The following STRIP2 variants were observed in gnomAD, a reference collection of about 807,000 sequenced individuals.
The protein encoded by STRIP2 is striatin interacting protein 2.
A neutral mutation model predicts 107.1 loss-of-function variants in STRIP2; 84 were observed. The observed-to-expected ratio is 0.78, with a 90% CI of 0.66 to 0.94. STRIP2 has a LOEUF of 0.94. STRIP2 is among the 40% of genes least tolerant of loss of function. STRIP2 has a pLI of 0.00. For missense variants in STRIP2, 888 were observed against 1,034.2 expected (o/e 0.86, Z 1.94); for synonymous variants, 394 against 400.4 (o/e 0.98, Z 0.19).
chr7:129,434,652 G>T (rs1009810326), intron 1 of STRIP2, 51 bp downstream of exon 1: 2 of 1,430,706 alleles, frequency 1.4e-6, no homozygotes, highest in African/African-American at 3.0e-5. Context: ...CCGCCGGCGG[G>T]AAGCGGCGGC....
Position 129,458,244 on chromosome 7 carries a change from C to T in STRIP2, c.1068C>T (p.Asp356=). The change falls in exon 10 of 21, where the codon GAC becomes GAT. Residue 356 remains aspartate (D), a synonymous_variant. Coordinates refer to ENST00000249344, the MANE Select transcript of STRIP2 (RefSeq NM_020704.3). This position sits in a 1 kb window ranked among gnomAD's most constrained non-coding sequence, Gnocchi z 4.6. ...TCCTCACTAAGCAGGACAGCCTGGA[C>T]ATCTACAATGAAAGGGATCTCTTCA... is the stretch of plus-strand genomic sequence containing the variant. ...RQLLTKQDSL[D]IYNERDLFKT... 4 of 1,614,190 alleles carry T rather than the reference C, an allele frequency of 2.5e-6. No homozygotes were observed. Among genetic ancestry groups the T allele is most frequent in the Non-Finnish European group, 3.4e-6 (4 of 1,180,026 alleles).
chr7:129,466,610 C>T (rs967067333), intron 16 of STRIP2, among the ~76,000 whole-genome samples: 2 of 152,142 alleles, frequency 1.3e-5, no homozygotes, highest in African/African-American at 4.8e-5. Context: ...TGACACTGCT[C>T]TTATGGCCAC....
intron 2 of STRIP2, among the ~76,000 whole-genome samples, chr7:129,440,979 C>A (rs1468618465): frequency 6.6e-6 from 1 of 151,584 alleles, no homozygotes; most frequent in Non-Finnish European, 1.5e-5. Context: ...TAATAACCAA[C>A]AAAGGATTAG....
chr7:129,458,233 G>C lies in STRIP2; in HGVS notation c.1057G>C (p.Asp353His), dbSNP rs1195142594. 1.9e-6 allele frequency: 3 copies of C among 1,614,128 alleles called. No individual in the cohort carries two copies. The highest frequency in any genetic ancestry group is 1.7e-6 in the Non-Finnish European group (2 of 1,180,020). Residue 353 changes from aspartate to histidine, a missense_variant, in exon 10 of 21, where the codon GAC becomes CAC. Coordinates refer to ENST00000249344, the MANE Select transcript of STRIP2 (RefSeq NM_020704.3). This position sits in a 1 kb window ranked among gnomAD's most constrained non-coding sequence, Gnocchi z 4.6. ...GSRRQLLTKQ[D>H]SLDIYNERDL... is the part of the protein sequence containing the mutation. ...CCTCCAGCAACTCCTCACTAAGCAG[G>C]ACAGCCTGGACATCTACAATGAAAG...
intron 15 of STRIP2, 78 bp downstream of exon 15, chr7:129,464,219 T>A: frequency 1.9e-6 from 2 of 1,075,768 alleles, no homozygotes; most frequent in Admixed American, 1.8e-5. Context: ...ACTCACCTTG[T>A]TAACACTTAC....
intron 4 of STRIP2, 39 bp downstream of exon 4, chr7:129,451,786 C>T: frequency 6.2e-7 from 1 of 1,610,804 alleles, no homozygotes; most frequent in Non-Finnish European, 8.5e-7. Context: ...GGGGTGGAGG[C>T]TTGAGAGGGA....
At chr7:129,443,993 G>C in intron 2 of STRIP2, 31 bp from the exon 3 acceptor site, 1 of 1,574,706 alleles carries the variant, frequency 6.4e-7, no homozygotes, top group Non-Finnish European at 8.7e-7. Context: ...AGGATCTCCC[G>C]AATGTGACTG....
intron 3 of STRIP2, 135 bp from the exon 4 acceptor site, chr7:129,451,478 A>G: frequency 2.5e-6 from 3 of 1,197,092 alleles, no homozygotes; most frequent in Non-Finnish European, 3.5e-6. Context: ...ATTCTTTCTC[A>G]GTGAAATAAG....
intron 1 of STRIP2, among the ~76,000 whole-genome samples, chr7:129,437,429 C>G (rs997990601): frequency 6.6e-6 from 1 of 151,328 alleles, no homozygotes; most frequent in Non-Finnish European, 1.5e-5. Context: ...GAGGAAGACC[C>G]TGTCTTAAAA....
intron 2 of STRIP2, 152 bp downstream of exon 2, chr7:129,440,243 A>G (rs1797861565): frequency 1.6e-6 from 1 of 644,540 alleles, no homozygotes; most frequent in Non-Finnish European, 2.8e-6. Flanking sequence ...TCCAAGTGGT[A>G]AATATCTCTT....
chr7:129,451,649 C>G lies in STRIP2; in HGVS notation c.311C>G (p.Ala104Gly), dbSNP rs145786595. Residue 104 changes from alanine to glycine, a missense_variant, in exon 4 of 21, where the codon GCC (alanine) becomes GGC (glycine). Ala to Gly is a moderately conservative substitution (Grantham distance 60). Transcript: ENST00000249344. Reference protein sequence around the residue: ...GKEWLELEEDAQKAYIMGLLD... With the variant: ...GKEWLELEEDGQKAYIMGLLD... ...GAATGGCTGGAGTTGGAAGAAGATG[C>G]CCAAAAGGCCTATATAATGGGACTC... The G allele has an allele frequency of 1.1e-3, 1,729 of 1,614,050 alleles. 19 individuals are homozygous for G. The African/African-American group carries it at 0.021, about 19-fold the overall frequency.
chr7:129,437,073 G>T (rs1797759669), intron 1 of STRIP2, among the ~76,000 whole-genome samples: 1 of 152,192 alleles, frequency 6.6e-6, no homozygotes, highest in Non-Finnish European at 1.5e-5. Context: ...ATTTAAGAAT[G>T]TATACAATTT....
intron 1 of STRIP2, 85 bp downstream of exon 1, chr7:129,434,686 G>C: frequency 7.3e-7 from 1 of 1,362,976 alleles, no homozygotes; most frequent in Non-Finnish European, 9.4e-7. Context: ...CCTCGGCCCC[G>C]GAGCCCTCGG....
At chr7:129,463,499 C>CTTT (rs750018679) in intron 14 of STRIP2, among the ~76,000 whole-genome samples, 1 of 145,028 alleles carries the variant, frequency 6.9e-6, no homozygotes, top group African/African-American at 2.5e-5. Flanking sequence ...AAAGAACAGT[C>CTTT]TTTTTTTTTT....
In STRIP2 at chr7:129,482,942, C is replaced by T; in HGVS notation, c.2150C>T (p.Thr717Ile). The T allele has an allele frequency of 6.2e-7, 1 of 1,614,090 alleles. No individual in the cohort carries two copies. The highest frequency in any genetic ancestry group is 8.5e-7 in the Non-Finnish European group (1 of 1,180,026). Reference sequence around the variant, plus strand: ...GTCCTAAAGCTACTAAAGTTACAGACCAAGTACCTGGGGCGCCAATGGAGG... The same window carrying T: ...GTCCTAAAGCTACTAAAGTTACAGATCAAGTACCTGGGGCGCCAATGGAGG... ...LYVLKLLKLQ[T>I]KYLGRQWRKS... The change falls in exon 20 of 21, where the codon ACC becomes ATC. Residue 717 changes from threonine (T) to isoleucine (I), a missense_variant. Thr to Ile is a moderately conservative substitution (Grantham distance 89). Coordinates refer to ENST00000249344, the MANE Select transcript of STRIP2 (RefSeq NM_020704.3).
intron 18 of STRIP2, among the ~76,000 whole-genome samples, chr7:129,473,702 AT>A (rs1356663016): frequency 2.0e-5 from 3 of 151,390 alleles, no homozygotes; most frequent in African/African-American, 4.9e-5. Flanking sequence ...TAAATTTTTT[AT>A]TTATTTTTTA....
At chr7:129,447,541 A>G (rs1178862558) in intron 3 of STRIP2, among the ~76,000 whole-genome samples, 1 of 152,206 alleles carries the variant, frequency 6.6e-6, no homozygotes, top group African/African-American at 2.4e-5. Context: ...TAATGGACCA[A>G]TGTGATATCT....
chr7:129,454,151 G>C lies in STRIP2; in HGVS notation c.540G>C (p.Gln180His). Residue 180 changes from glutamine to histidine, a missense_variant, in exon 6 of 21, where the codon CAG (glutamine) becomes CAC (histidine). By Grantham distance (24) the Gln-to-His change is conservative. Coordinates refer to ENST00000249344, the MANE Select transcript of STRIP2 (RefSeq NM_020704.3). ...TCTCCTCCCCTGGCAGCAACAGCCA[G>C]GCCTGTAGCAGTGCCCTTCGGAAAC... ...ELLHMEIDNSQACSSALRKPA... is the reference protein window; with the variant it reads ...ELLHMEIDNSHACSSALRKPA... The C allele has an allele frequency of 1.9e-6, 3 of 1,614,108 alleles. No individual in the cohort carries two copies. The highest frequency in any genetic ancestry group is 2.5e-6 in the Non-Finnish European group (3 of 1,180,000).
intron 12 of STRIP2, 69 bp from the exon 13 acceptor site, chr7:129,460,232 T>C: frequency 7.1e-7 from 1 of 1,403,892 alleles, no homozygotes; most frequent in Non-Finnish European, 9.8e-7. Flanking sequence ...TTGGGGAATT[T>C]AAGTAAGAGA....
Sources: gnomAD v4.1 joint callset for allele counts (sites outside exome capture counted in the v4.1 genomes callset) on GRCh38, gnomAD v4.1.1 for gene constraint, Gnocchi (gnomAD v3.1) non-coding constraint, MANE v1.5 for transcripts, NCBI Gene and HGNC (gene_info 2026-07-23, HGNC 2026-07-21) for gene names.